OSBPL8: variants seen among roughly 807,000 people sequenced by gnomAD.
The protein encoded by OSBPL8 is oxysterol-binding protein-related protein 8.
Under a neutral mutation model 125.5 loss-of-function variants are expected in OSBPL8, and 59 were observed. The ratio of observed to expected loss-of-function variants is 0.47; its 90% confidence interval spans 0.38 to 0.58. OSBPL8 has a LOEUF of 0.58. OSBPL8 is among the 20% of genes least tolerant of loss of function. The probability of loss-of-function intolerance (pLI) is 0.00; values close to 1 mark genes in which losing one functional copy is unlikely to be tolerated. For missense variants in OSBPL8, 758 were observed against 1,047.8 expected (o/e 0.72, Z 3.82); for synonymous variants, 330 against 338.9 (o/e 0.97, Z 0.29).
At chr12:76,532,262 A>G (rs1326680417) in intron 1 of OSBPL8, among the ~76,000 whole-genome samples, 5 of 152,080 alleles carry the variant, frequency 3.3e-5, no homozygotes, top group Admixed American at 3.3e-4. Flanking sequence ...AATGAAAAGC[A>G]CTTAATATAT....
chr12:76,410,402 T>C (rs1430476297), intron 5 of OSBPL8, among the ~76,000 whole-genome samples, 162 bp downstream of exon 5: 2 of 152,172 alleles, frequency 1.3e-5, no homozygotes, highest in African/African-American at 2.4e-5. Context: ...ACAATACTTA[T>C]ATTAGCCCCA....
At chr12:76,361,997 T>G (rs1382518445) in intron 21 of OSBPL8, among the ~76,000 whole-genome samples, 1 of 152,200 alleles carries the variant, frequency 6.6e-6, no homozygotes, top group African/African-American at 2.4e-5. Context: ...CAAGAAGTAT[T>G]CTCAATTACT....
intron 17 of OSBPL8, among the ~76,000 whole-genome samples, chr12:76,373,901 G>C (rs1393180336): frequency 6.6e-6 from 1 of 151,984 alleles, no homozygotes; most frequent in Non-Finnish European, 1.5e-5. Context: ...AATAAAATTA[G>C]AAGGAATACA....
intron 4 of OSBPL8, among the ~76,000 whole-genome samples, chr12:76,411,230 T>C (rs974676773): frequency 2.0e-5 from 3 of 152,134 alleles, no homozygotes; most frequent in African/African-American, 4.8e-5. Flanking sequence ...AACATGCATA[T>C]ACTCCTGCAA....
chr12:76,396,717 G>GCAGT (rs1260670777), intron 8 of OSBPL8, among the ~76,000 whole-genome samples: 1 of 152,158 alleles, frequency 6.6e-6, no homozygotes, highest in Non-Finnish European at 1.5e-5. Flanking sequence ...TCATGCCACT[G>GCAGT]CAGTCCAGCC....
At chr12:76,498,012 G>A (rs1460197602) in intron 1 of OSBPL8, among the ~76,000 whole-genome samples, 1 of 152,222 alleles carries the variant, frequency 6.6e-6, no homozygotes, top group African/African-American at 2.4e-5. Context: ...TTAAGGATAT[G>A]GATGCATTTT....
chr12:76,477,918 T>A (rs1184624902), intron 2 of OSBPL8, among the ~76,000 whole-genome samples: 1 of 151,930 alleles, frequency 6.6e-6, no homozygotes, highest in Non-Finnish European at 1.5e-5. Flanking sequence ...ACAAAAGAAT[T>A]CATGGCCGGG....
In OSBPL8 at chr12:76,352,107, A is replaced by T. The variant is rs1479423020; in HGVS notation, c.*3782T>A. 1.3e-5 allele frequency: 2 copies of T among 152,664 alleles called. No homozygotes were observed. Among genetic ancestry groups the T allele is most frequent in the East Asian group, 3.9e-4 (2 of 5,184 alleles). 9.5% of individuals were successfully genotyped at this position (152,664 alleles called of 1,614,324 possible). ...CATTAAACAGAACATTTAAACTCAGATGTATATTTAGCATGCTAAAAAGTG... is the reference window on the plus strand; with the variant it reads ...CATTAAACAGAACATTTAAACTCAGTTGTATATTTAGCATGCTAAAAAGTG... On this transcript the variant is annotated 3_prime_UTR_variant, in exon 24 of 24. Coordinates refer to ENST00000261183, the MANE Select transcript of OSBPL8 (RefSeq NM_020841.5).
chr12:76,478,440 T>C (rs934750236), intron 2 of OSBPL8, among the ~76,000 whole-genome samples: 1 of 152,136 alleles, frequency 6.6e-6, no homozygotes, highest in African/African-American at 2.4e-5. Flanking sequence ...CCAAGAATAA[T>C]AGAAACACAA....
chr12:76,423,170 T>G (rs908356895), intron 4 of OSBPL8: 2 of 152,306 alleles, frequency 1.3e-5, no homozygotes, highest in African/African-American at 4.8e-5. Flanking sequence ...TCCCTGAAGC[T>G]TCTAGATTTA....
chr12:76,542,610 C>A (rs2137433854), intron 1 of OSBPL8, among the ~76,000 whole-genome samples: 1 of 152,288 alleles, frequency 6.6e-6, no homozygotes, highest in East Asian at 1.9e-4. Context: ...GAACCACTGG[C>A]CTACAGGATT....
intron 5 of OSBPL8, among the ~76,000 whole-genome samples, chr12:76,403,279 TCTA>T (rs1218395057): frequency 6.6e-6 from 1 of 152,246 alleles, no homozygotes; most frequent in African/African-American, 2.4e-5. Flanking sequence ...ATTTCTAGGA[TCTA>T]CTACTTCCTA....
intron 3 of OSBPL8, among the ~76,000 whole-genome samples, chr12:76,455,192 G>A (rs188274978): frequency 2.6e-5 from 4 of 151,674 alleles, no homozygotes; most frequent in East Asian, 3.9e-4. Flanking sequence ...GCAGTGAGCC[G>A]AGATTGCACC....
At chr12:76,528,106 AG>A (rs537581135) in intron 1 of OSBPL8, among the ~76,000 whole-genome samples, 15 of 152,136 alleles carry the variant, frequency 9.9e-5, no homozygotes, top group Non-Finnish European at 2.1e-4. Flanking sequence ...GCGGATCACG[AG>A]GTCAGGAGTT....
chr12:76,399,101 C>T (rs1953942363), intron 7 of OSBPL8, among the ~76,000 whole-genome samples: 1 of 152,094 alleles, frequency 6.6e-6, no homozygotes, highest in Admixed American at 6.6e-5. Context: ...ATCGAAAACC[C>T]TAGAATTAGT....
intron 4 of OSBPL8, among the ~76,000 whole-genome samples, chr12:76,419,729 C>T (rs1004760996): frequency 3.9e-5 from 6 of 152,134 alleles, no homozygotes; most frequent in South Asian, 2.1e-4. Flanking sequence ...AACCCCAAAA[C>T]AAAAACTAAT....
At chr12:76,536,239 C>A (rs1439767842) in intron 1 of OSBPL8, among the ~76,000 whole-genome samples, 1 of 151,972 alleles carries the variant, frequency 6.6e-6, no homozygotes, top group South Asian at 2.1e-4. Flanking sequence ...GTAATCCTAG[C>A]GCTTTGGGAA....
chr12:76,356,592 C>G (rs1271830948), intron 23 of OSBPL8, 34 bp downstream of exon 23: 1 of 1,354,264 alleles, frequency 7.4e-7, no homozygotes, highest in Non-Finnish European at 1.0e-6. Context: ...ACTCCTTGGT[C>G]TCAAATGAAT....
intron 4 of OSBPL8, among the ~76,000 whole-genome samples, chr12:76,423,646 A>G (rs1869783957): frequency 6.6e-6 from 1 of 152,172 alleles, no homozygotes; most frequent in African/African-American, 2.4e-5. Flanking sequence ...CCTAATCTTT[A>G]AAATTCCAAA....
Sources: gnomAD v4.1 joint callset for allele counts (sites outside exome capture counted in the v4.1 genomes callset) on GRCh38, gnomAD v4.1.1 for gene constraint, MANE v1.5 for transcripts, NCBI Gene and HGNC (gene_info 2026-07-23, HGNC 2026-07-21) for gene names.